Variants in KNTC1 observed in about 807,000 individuals in gnomAD.
The protein encoded by KNTC1 is kinetochore-associated protein 1.
KNTC1 carries 253 observed loss-of-function variants against 314.4 expected under a neutral mutation model. The observed-to-expected ratio is 0.80, with a 90% confidence interval of 0.73 to 0.89. The LOEUF (loss-of-function observed/expected upper bound fraction) is 0.89. KNTC1 is among the 40% of genes least tolerant of loss of function. The pLI is 0.00. For synonymous variants in KNTC1, 901 were observed against 901.4 expected, an observed-to-expected ratio of 1.00 and a Z score of 0.01; for missense variants, 2,475 against 2,572.9, an observed-to-expected ratio of 0.96 and a Z score of 0.82.
At chr12:122,603,646 T>C (rs143575566) in intron 48 of KNTC1, among the ~76,000 whole-genome samples, 23,534 of 151,890 alleles carry the variant, frequency 0.15, 2,447 homozygotes, top group African/African-American at 0.3. Flanking sequence ...GTGCGCGCCA[T>C]CATGCCCGGC....
At chr12:122,594,043 A>G (rs879472607) in intron 42 of KNTC1, 3 of 475,944 alleles carry the variant, frequency 6.3e-6, no homozygotes, top group Non-Finnish European at 1.1e-5. Flanking sequence ...TTAACAATCA[A>G]ACTTTTCAGA....
intron 12 of KNTC1, among the ~76,000 whole-genome samples, chr12:122,549,256 C>T (rs907434492): frequency 1.9e-4 from 29 of 152,046 alleles, no homozygotes; most frequent in African/African-American, 6.5e-4. Context: ...GGGGTTTCAC[C>T]ATGTTGGCTA....
At chr12:122,597,326 G>A (rs759501641) in intron 43 of KNTC1, 35 of 176,666 alleles carry the variant, frequency 2.0e-4, no homozygotes, top group Non-Finnish European at 3.3e-4. Context: ...TTGGCTCACC[G>A]CAACCTCCAC....
At chr12:122,568,198 A>C (rs1383083273) in intron 20 of KNTC1, 63 bp from the exon 21 acceptor site, 6 of 767,912 alleles carry the variant, frequency 7.8e-6, no homozygotes, top group Non-Finnish European at 1.3e-5. Flanking sequence ...AAGATAATCC[A>C]CTTAAAAGGT....
In KNTC1 at chr12:122,581,732, C is replaced by A. The variant is rs141082102; in HGVS notation, c.2983-973C>A. Among the ~76,000 whole-genome samples, 435 of 150,250 alleles carry A rather than the reference C, an allele frequency of 2.9e-3. 1 individual carries two copies. The highest frequency in any genetic ancestry group is 0.024 in the South Asian group (111 of 4,696). On this transcript the variant is annotated intron_variant, in intron 33 of 63. Coordinates refer to ENST00000333479, the MANE Select transcript of KNTC1 (RefSeq NM_014708.6). ...CTGGTCTCAAACTCCTGGCCTCAAGCGATCTGCCCGCCTCAGCCTCCCAAA... is the reference window on the plus strand; with the variant it reads ...CTGGTCTCAAACTCCTGGCCTCAAGAGATCTGCCCGCCTCAGCCTCCCAAA...
chr12:122,614,949 G>A (rs376511876), intron 55 of KNTC1, 42 bp from the exon 56 acceptor site: 2 of 1,389,884 alleles, frequency 1.4e-6, no homozygotes, highest in African/African-American at 2.9e-5. Flanking sequence ...TGATTTACTG[G>A]TGTCTTGGAA....
intron 62 of KNTC1, among the ~76,000 whole-genome samples, chr12:122,623,488 C>A (rs1437309046): frequency 6.6e-6 from 1 of 152,150 alleles, no homozygotes; most frequent in Non-Finnish European, 1.5e-5. Flanking sequence ...CTCTTGTGAT[C>A]CAGCCATAAT....
At chr12:122,546,085 G>A (rs1962737240) in intron 8 of KNTC1, 91 bp from the exon 9 acceptor site, 2 of 717,776 alleles carry the variant, frequency 2.8e-6, no homozygotes, top group Admixed American at 2.6e-5. Flanking sequence ...TTTAAAATTA[G>A]TAACCTATAA....
intron 6 of KNTC1, 112 bp downstream of exon 6, chr12:122,542,239 AT>A: frequency 1.4e-6 from 1 of 717,832 alleles, no homozygotes; most frequent in Non-Finnish European, 2.1e-6. Context: ...TCTTACTTGT[AT>A]TTAGTTATAA....
Position 122,527,308 on chromosome 12 carries a change from G to C in KNTC1, c.-117G>C, listed in dbSNP as rs948771496. ...AGGCGGTTGTGTGAGTCAGGAAGAGGGGCCAGATATCTGAGTGTTCCTCTT... is the reference window on the plus strand; with the variant it reads ...AGGCGGTTGTGTGAGTCAGGAAGAGCGGCCAGATATCTGAGTGTTCCTCTT... On this transcript the variant is annotated 5_prime_UTR_variant, in exon 1 of 64. Transcript: ENST00000333479. 2 of 196,146 alleles carry C rather than the reference G, an allele frequency of 1.0e-5. No individual in the cohort carries two copies. The highest frequency in any genetic ancestry group is 4.7e-5 in the African/African-American group (2 of 42,416). The allele number at this position is 196,146 out of a possible 1,614,324, so 12.2% of individuals were successfully genotyped here. A position where few individuals can be genotyped will look rare whatever the true frequency, so the allele number is the denominator to read the frequency against.
intron 43 of KNTC1, among the ~76,000 whole-genome samples, chr12:122,596,518 ATTT>A (rs560127261): frequency 6.7e-6 from 1 of 149,534 alleles, no homozygotes; most frequent in African/African-American, 2.5e-5. Context: ...GCCCAGCCTG[ATTT>A]TTTTTATCTT....
intron 20 of KNTC1, among the ~76,000 whole-genome samples, chr12:122,566,633 C>T (rs530772000): frequency 6.6e-6 from 1 of 152,102 alleles, no homozygotes; most frequent in Non-Finnish European, 1.5e-5. Context: ...TGGTTTCAAA[C>T]TCCTGACCTC....
intron 21 of KNTC1, among the ~76,000 whole-genome samples, chr12:122,568,897 C>A: frequency 6.6e-6 from 1 of 151,850 alleles, no homozygotes; most frequent in South Asian, 2.1e-4. Flanking sequence ...AATATTAAAT[C>A]AGAAGAAGTA....
chr12:122,618,163 G>T (rs1873969901), intron 57 of KNTC1, among the ~76,000 whole-genome samples, 180 bp from the exon 58 acceptor site: 1 of 152,038 alleles, frequency 6.6e-6, no homozygotes, highest in Non-Finnish European at 1.5e-5. Context: ...GTAGAGACGG[G>T]GTTTTGCCAT....
Position 122,622,515 on chromosome 12 carries a change from G to T in KNTC1, c.6423G>T (p.Leu2141Phe). ...NIINKKEFGILAKTKYFQMLK... is the reference protein window; with the variant it reads ...NIINKKEFGIFAKTKYFQMLK... ...TCAATAAGAAGGAGTTTGGGATTTT[G>T]GCAAAGACCAAATACTTTCAAATGT... Residue 2141 changes from leucine (L) to phenylalanine (F), a missense_variant, in exon 62 of 64, where the codon TTG (leucine) becomes TTT (phenylalanine). Physicochemically the swap from Leu to Phe is conservative, Grantham distance 22. Transcript: ENST00000333479. 6.3e-7 allele frequency: 1 copy of T among 1,581,494 alleles called. No homozygotes were observed. The highest frequency in any genetic ancestry group is 8.6e-7 in the Non-Finnish European group (1 of 1,161,888).
chr12:122,604,915 G>A lies in KNTC1; in HGVS notation c.5214G>A (p.Lys1738=), dbSNP rs1233403656. The A allele has an allele frequency of 9.9e-6, 16 of 1,609,436 alleles. No homozygotes were observed. Among genetic ancestry groups the A allele is most frequent in the Non-Finnish European group, 1.4e-5 (16 of 1,177,866 alleles). Residue 1738 remains lysine, a synonymous_variant, in exon 50 of 64, where the codon AAG becomes AAA. Coordinates refer to ENST00000333479, the MANE Select transcript of KNTC1 (RefSeq NM_014708.6). ...AAAAAGCCGAGGCTTTGTTGAAGAA[G>A]CTTCATATCCAGTACCGGCGATCGG... ...KREKAEALLK[K]LHIQYRRSGT...
intron 42 of KNTC1, chr12:122,593,924 A>G (rs1870673701): frequency 5.4e-6 from 1 of 184,052 alleles, no homozygotes; most frequent in African/African-American, 2.4e-5. Context: ...AAAATATAAG[A>G]CATTTTATTT....
intron 11 of KNTC1, 59 bp downstream of exon 11, chr12:122,547,589 T>A: frequency 9.3e-7 from 1 of 1,077,408 alleles, no homozygotes; most frequent in Non-Finnish European, 1.4e-6. Flanking sequence ...GTATCTTGTC[T>A]GGTTTTGTTC....
intron 43 of KNTC1, among the ~76,000 whole-genome samples, chr12:122,595,868 A>G (rs1870964975): frequency 6.6e-6 from 1 of 152,196 alleles, no homozygotes. Context: ...GATGATTTGT[A>G]TTCATATGAT....
Sources: gnomAD v4.1 joint callset for allele counts (sites outside exome capture counted in the v4.1 genomes callset) on GRCh38, gnomAD v4.1.1 for gene constraint, MANE v1.5 for transcripts, NCBI Gene and HGNC (gene_info 2026-07-23, HGNC 2026-07-21) for gene names.